The following CCR3 variants were observed in gnomAD, a reference collection of about 807,000 sequenced individuals.
The protein encoded by CCR3 is C-C chemokine receptor type 3.
For missense variants in CCR3, 419 were observed against 437.5 expected (o/e 0.96, Z 0.38); for synonymous variants, 203 against 179.2 (o/e 1.13, Z -1.06).
At chr3:46,241,486 C>A (rs148783855), upstream of CCR3, among the ~76,000 whole-genome samples, 1,361 of 152,320 alleles carry the variant, frequency 8.9e-3, 13 homozygotes, top group Middle Eastern at 0.041. Context: ...CATGGCTCTG[C>A]CCTATGACGC....
chr3:46,259,340 A>T (rs1308780279), intron 1 of CCR3, among the ~76,000 whole-genome samples: 1 of 152,212 alleles, frequency 6.6e-6, no homozygotes, highest in African/African-American at 2.4e-5. Flanking sequence ...ACAATGGTTT[A>T]AAATGCCCCT....
At chr3:46,245,514 A>G (rs558892766) in intron 1 of CCR3, among the ~76,000 whole-genome samples, 2 of 151,934 alleles carry the variant, frequency 1.3e-5, no homozygotes, top group African/African-American at 2.4e-5. Flanking sequence ...AAACAAAACA[A>G]AACAAAACAA....
chr3:46,254,750 T>A (rs1325369976), intron 1 of CCR3, among the ~76,000 whole-genome samples: 1 of 152,210 alleles, frequency 6.6e-6, no homozygotes, highest in East Asian at 1.9e-4. Flanking sequence ...GGTTTTCCAT[T>A]CCTGAGTTAC....
intron 1 of CCR3, among the ~76,000 whole-genome samples, chr3:46,262,533 G>C (rs1412303005): frequency 6.6e-6 from 1 of 152,100 alleles, no homozygotes; most frequent in Non-Finnish European, 1.5e-5. Flanking sequence ...AATGTAAAAG[G>C]CCATTTTGAA....
Position 46,232,406 on chromosome 3 carries a change from T to C in CCR3, c.-67-9996T>C, listed in dbSNP as rs372672765. 4.6e-5 allele frequency among the ~76,000 whole-genome samples: 7 copies of C among 152,224 alleles called. No individual in the cohort carries two copies. The East Asian group carries it at 9.7e-4, about 21-fold the overall frequency. On this transcript the variant is annotated intron_variant, in intron 2 of 3. Coordinates refer to the CCR3 transcript ENST00000357422. ...GAAAGCCGGCAGAACCCCAGTGAGG[T>C]AGCAGGGGAACCAAGCGGTAGTAGA...
chr3:46,226,845 A>G (rs777742111), intron 2 of CCR3, among the ~76,000 whole-genome samples: 18 of 149,264 alleles, frequency 1.2e-4, no homozygotes, highest in Non-Finnish European at 4.4e-5. Context: ...AGTGTTTACC[A>G]TGAATAGGTG....
At chr3:46,216,808 A>G (rs1009460383) in intron 2 of CCR3, among the ~76,000 whole-genome samples, 1 of 152,216 alleles carries the variant, frequency 6.6e-6, no homozygotes, top group Admixed American at 6.5e-5. Context: ...ATGCTGAGAG[A>G]ATTCACCACT....
intron 2 of CCR3, among the ~76,000 whole-genome samples, chr3:46,223,039 A>G (rs548000035): frequency 1.1e-4 from 16 of 152,356 alleles, no homozygotes; most frequent in Middle Eastern, 3.4e-3. Flanking sequence ...TAACACTTAC[A>G]GTCTTGCATG....
At chr3:46,255,386 GC>G (rs1199075824) in intron 1 of CCR3, among the ~76,000 whole-genome samples, 1 of 152,066 alleles carries the variant, frequency 6.6e-6, no homozygotes, top group Admixed American at 6.6e-5. Flanking sequence ...CTGTGCAGAA[GC>G]TTTTTAGTTT....
chr3:46,242,963 G>GTATATATATATATATACATATATATA (rs1700112293), intron 1 of CCR3, among the ~76,000 whole-genome samples: 2 of 86,296 alleles, frequency 2.3e-5, no homozygotes, highest in Admixed American at 2.7e-4. Context: ...ATATATATGT[G>GTATATATATATATATACATATATATA]TATATATATA....
chr3:46,216,954 G>T (rs1699782303), intron 2 of CCR3, among the ~76,000 whole-genome samples: 1 of 151,920 alleles, frequency 6.6e-6, no homozygotes, highest in Non-Finnish European at 1.5e-5. Context: ...TGAAAAAAAA[G>T]GTATTCAGGC....
intron 1 of CCR3, among the ~76,000 whole-genome samples, chr3:46,250,692 A>G (rs1042299189): frequency 6.6e-6 from 1 of 152,070 alleles, no homozygotes; most frequent in Non-Finnish European, 1.5e-5. Context: ...TGAGGTTTTA[A>G]GTTCTTGAGG....
intron 2 of CCR3, among the ~76,000 whole-genome samples, chr3:46,230,645 C>G (rs774413878): frequency 2.6e-5 from 4 of 152,124 alleles, no homozygotes; most frequent in African/African-American, 9.7e-5. Flanking sequence ...TTGAACAAGA[C>G]AGGGTACCTA....
At chr3:46,217,556 T>C (rs2125922894) in intron 2 of CCR3, among the ~76,000 whole-genome samples, 1 of 152,240 alleles carries the variant, frequency 6.6e-6, no homozygotes, top group Non-Finnish European at 1.5e-5. Context: ...ATAGACTATA[T>C]GATAGGCCAC....
chr3:46,220,023 C>A (rs1249635525), intron 2 of CCR3, among the ~76,000 whole-genome samples: 1 of 152,172 alleles, frequency 6.6e-6, no homozygotes, highest in Non-Finnish European at 1.5e-5. Flanking sequence ...TTCTGCATAG[C>A]AAAAGTAATA....
chr3:46,246,622 A>G (rs1351450404), intron 1 of CCR3, among the ~76,000 whole-genome samples: 2 of 152,092 alleles, frequency 1.3e-5, no homozygotes, highest in Non-Finnish European at 2.9e-5. Flanking sequence ...GGGGCAGGGC[A>G]TATTCACTTC....
intron 2 of CCR3, among the ~76,000 whole-genome samples, chr3:46,212,196 G>A (rs1405420113): frequency 6.6e-6 from 1 of 152,150 alleles, no homozygotes; most frequent in Non-Finnish European, 1.5e-5. Flanking sequence ...CATGGACCCT[G>A]GTGGTCACTG....
At chr3:46,264,305 C>T in intron 1 of CCR3, 1 of 912,934 alleles carries the variant, frequency 1.1e-6, no homozygotes, top group Non-Finnish European at 1.7e-6. Context: ...TAAACTAATG[C>T]TGCTTATAAT....
chr3:46,222,068 C>A (rs1363819929), intron 2 of CCR3, among the ~76,000 whole-genome samples: 1 of 152,222 alleles, frequency 6.6e-6, no homozygotes, highest in Non-Finnish European at 1.5e-5. Flanking sequence ...GATAGGCAGG[C>A]CTCCCAGGCT....
Sources: allele counts gnomAD v4.1 joint callset (sites outside exome capture counted in the v4.1 genomes callset), GRCh38; gene constraint gnomAD v4.1.1; transcripts MANE v1.5; gene names NCBI Gene and HGNC (gene_info 2026-07-23, HGNC 2026-07-21).